The following TJP3 variants were observed in gnomAD, a reference collection of about 807,000 sequenced individuals.
TJP3 encodes tight junction protein 3, also known as tight junction protein ZO-3.
A neutral mutation model predicts 104.2 loss-of-function variants in TJP3; 85 were observed. That is an observed-to-expected ratio of 0.82 (90% CI 0.68 to 0.98). The LOEUF (loss-of-function observed/expected upper bound fraction) is 0.98, where lower values mean the gene tolerates loss of function less well. Among genes scored for constraint, TJP3 ranks in the 50% least tolerant of loss-of-function variants. The pLI, the probability that TJP3 is intolerant of heterozygous loss-of-function variation, is 0.00. For synonymous variants in TJP3, 550 were observed against 550.6 expected (o/e 1.00, Z 0.02); for missense variants, 1,367 against 1,322.8 (o/e 1.03, Z -0.52).
chr19:3,735,648 T>C lies in TJP3; in HGVS notation c.1060+9T>C, dbSNP rs765064098. The C allele has an allele frequency of 6.2e-7, 1 of 1,614,098 alleles. No homozygotes were observed. Among genetic ancestry groups the C allele is most frequent in the East Asian group, 2.2e-5 (1 of 44,882 alleles). On this transcript the variant is annotated intron_variant, in intron 9 of 20. Coordinates refer to ENST00000541714, the MANE Select transcript of TJP3 (RefSeq NM_001267560.2). ...AGATGAGCAACGGTCAGGTGGGTGG[T>C]GACTCTGAGCACCCCTGTCCCTGAC...
At chr19:3,718,476 G>A (rs1326129992) in intron 1 of TJP3, among the ~76,000 whole-genome samples, 1 of 149,600 alleles carries the variant, frequency 6.7e-6, no homozygotes, top group Non-Finnish European at 1.5e-5. Context: ...TTGGGGTGGT[G>A]GGGGGCGGGG....
At chr19:3,729,770 A>T (rs2036643559) in intron 3 of TJP3, among the ~76,000 whole-genome samples, 1 of 134,022 alleles carries the variant, frequency 7.5e-6, no homozygotes, top group South Asian at 2.6e-4. Flanking sequence ...CAACAGAGTG[A>T]GACTCTGTCT....
intron 1 of TJP3, among the ~76,000 whole-genome samples, chr19:3,715,279 T>C (rs950964027): frequency 2.6e-5 from 4 of 152,054 alleles, no homozygotes; most frequent in South Asian, 4.1e-4. Context: ...TTAGTAGAGA[T>C]GGGGTTTCAC....
rs191033656 is a variant in TJP3, at chr19:3,741,192, G to A, written c.1843+429G>A. 4.6e-5 allele frequency among the ~76,000 whole-genome samples: 7 copies of A among 151,960 alleles called. No individual in the cohort carries two copies. In the East Asian group the frequency reaches 5.9e-4, roughly 13 times the overall value. On this transcript the variant is annotated intron_variant, in intron 14 of 20. Transcript: ENST00000541714. ...TAATTTTTGTATTTTTAGTAAAGACGGGGTTTCACCATGTTGGCCAGGCTG... is the reference window on the plus strand; with the variant it reads ...TAATTTTTGTATTTTTAGTAAAGACAGGGTTTCACCATGTTGGCCAGGCTG...
intron 3 of TJP3, 69 bp downstream of exon 3, chr19:3,728,782 G>A (rs2145681050): frequency 1.3e-6 from 2 of 1,523,262 alleles, no homozygotes; most frequent in African/African-American, 1.4e-5. Context: ...GCCAGGCACA[G>A]TGACTCACAC....
rs559083121 is a variant in TJP3, at chr19:3,723,912, G to T, written c.-9-4512G>T. On this transcript the variant is annotated intron_variant, in intron 1 of 20. Transcript: ENST00000541714. The stretch of plus-strand genomic sequence containing the variant: ...TCAGGGAGGACTTCCTGAGGAGGTG[G>T]CATTTGAGCCTAGACCTCAGTGGCA... 2.6e-3 allele frequency among the ~76,000 whole-genome samples: 392 copies of T among 151,970 alleles called. 2 individuals carry two copies. The highest frequency in any genetic ancestry group is 9.1e-3 in the African/African-American group (378 of 41,472).
At chr19:3,720,235 G>A (rs2036529383) in intron 1 of TJP3, among the ~76,000 whole-genome samples, 2 of 152,196 alleles carry the variant, frequency 1.3e-5, no homozygotes, top group South Asian at 4.1e-4. Context: ...AGAGGCTTTG[G>A]CAATGCTTTA....
intron 1 of TJP3, among the ~76,000 whole-genome samples, chr19:3,716,096 G>A (rs138699943): frequency 0.016 from 1,970 of 125,098 alleles, 81 homozygotes; most frequent in African/African-American, 0.048. Context: ...TTTTTGAGAT[G>A]GAGTCTTGCT....
At chr19:3,713,960 C>T (rs532314363) in intron 1 of TJP3, among the ~76,000 whole-genome samples, 319 of 151,490 alleles carry the variant, frequency 2.1e-3, no homozygotes, top group African/African-American at 7.3e-3. Flanking sequence ...CTCTTGACCT[C>T]GTGATCCACC....
At chr19:3,727,232 C>G (rs143614871) in intron 1 of TJP3, among the ~76,000 whole-genome samples, 1 of 152,092 alleles carries the variant, frequency 6.6e-6, no homozygotes, top group East Asian at 1.9e-4. Context: ...GCCTGTAATC[C>G]CAGCACTTTG....
intron 1 of TJP3, among the ~76,000 whole-genome samples, chr19:3,724,201 CT>C (rs915401225): frequency 1.1e-3 from 160 of 145,442 alleles, no homozygotes; most frequent in Non-Finnish European, 1.1e-3. Context: ...GGGGCTGTCT[CT>C]TTTTTTTTTT....
intron 1 of TJP3, among the ~76,000 whole-genome samples, chr19:3,726,027 G>A (rs1028713714): frequency 5.9e-5 from 9 of 152,162 alleles, no homozygotes; most frequent in African/African-American, 1.7e-4. Context: ...TGCTGGCCTC[G>A]CTAGAGACGC....
intron 1 of TJP3, among the ~76,000 whole-genome samples, chr19:3,713,253 A>G (rs906361710): frequency 6.6e-6 from 1 of 151,822 alleles, no homozygotes; most frequent in Admixed American, 6.6e-5. Flanking sequence ...GCTGCCCTCC[A>G]TCTCTGCTCT....
chr19:3,748,848 CTTTTTTTTTTT>C (rs71166925), intron 19 of TJP3, among the ~76,000 whole-genome samples: 18 of 48,840 alleles, frequency 3.7e-4, no homozygotes, highest in African/African-American at 1.2e-3. Flanking sequence ...TGCACCCGGC[CTTTTTTTTTTT>C]TTTTTTTTTT....
At chr19:3,733,261 C>T (rs1221731614) in intron 6 of TJP3, among the ~76,000 whole-genome samples, 1 of 152,114 alleles carries the variant, frequency 6.6e-6, no homozygotes, top group African/African-American at 2.4e-5. Context: ...GTCTTGAACT[C>T]CTGACCTCAA....
At chr19:3,718,517 G>A (rs2036512877) in intron 1 of TJP3, among the ~76,000 whole-genome samples, 1 of 151,034 alleles carries the variant, frequency 6.6e-6, no homozygotes. Context: ...GGCCCAGGCT[G>A]GAGTGCAGTG....
At chr19:3,725,403 G>A (rs2036586217) in intron 1 of TJP3, among the ~76,000 whole-genome samples, 1 of 152,138 alleles carries the variant, frequency 6.6e-6, no homozygotes, top group Non-Finnish European at 1.5e-5. Context: ...CACCTCTAAA[G>A]TAGGAATAAT....
Position 3,730,082 on chromosome 19 carries a change from C to T in TJP3, c.213C>T (p.Ser71=), listed in dbSNP as rs369111949. The T allele has an allele frequency of 2.9e-5, 46 of 1,614,016 alleles. No individual in the cohort carries two copies. The Admixed American group carries it at 4.0e-4, about 14-fold the overall frequency. Residue 71 remains serine, a synonymous_variant, in exon 4 of 21, where the codon TCC becomes TCT. Transcript: ENST00000541714. This position sits in a 1 kb window ranked among gnomAD's most constrained non-coding sequence, Gnocchi z 7.3. ...GGGTTTCCATGGAGAATGCCACCTC[C>T]GCGTTTGCCATTCAGATACTCAAGA... ...VNGVSMENAT[S]AFAIQILKTC...
At chr19:3,740,016 G>A (rs1486419476) in intron 13 of TJP3, among the ~76,000 whole-genome samples, 6 of 151,916 alleles carry the variant, frequency 3.9e-5, no homozygotes, top group African/African-American at 7.3e-5. Flanking sequence ...GGCAGATCAC[G>A]AGGTCAAGAG....
Sources: allele counts gnomAD v4.1 joint callset (sites outside exome capture counted in the v4.1 genomes callset), GRCh38; gene constraint gnomAD v4.1.1; non-coding constraint Gnocchi (gnomAD v3.1); transcripts MANE v1.5; gene names NCBI Gene and HGNC (gene_info 2026-07-23, HGNC 2026-07-21).